DOCK11: variants seen among roughly 807,000 people sequenced by gnomAD.
The protein encoded by DOCK11 is dedicator of cytokinesis protein 11.
DOCK11 carries 70 observed loss-of-function variants against 169.1 expected under a neutral mutation model. That is an observed-to-expected ratio of 0.41 (90% confidence interval 0.34 to 0.51). The LOEUF is 0.51. Among genes scored for constraint, DOCK11 ranks in the 20% least tolerant of loss-of-function variants. The pLI is 0.10. For synonymous variants in DOCK11, 529 were observed against 541.3 expected (o/e 0.98, Z 0.32); for missense variants, 1,166 against 1,538.8 (o/e 0.76, Z 4.05).
At chrX:118,608,457 A>G in intron 26 of DOCK11, 101 bp downstream of exon 26, 1 of 1,007,421 alleles carries the variant, frequency 9.9e-7, no homozygotes, top group Non-Finnish European at 1.3e-6. Flanking sequence ...TTCACATGTG[A>G]CCCGTCCTTT....
chrX:118,554,163 T>C (rs2012599034), intron 6 of DOCK11, among the ~76,000 whole-genome samples: 1 of 111,546 alleles, frequency 9.0e-6, no homozygotes, highest in African/African-American at 3.3e-5. Flanking sequence ...CCACCACGCC[T>C]GGCTACCAAA....
intron 45 of DOCK11, among the ~76,000 whole-genome samples, chrX:118,663,368 A>G (rs1368107147): frequency 8.9e-6 from 1 of 112,206 alleles, no homozygotes; most frequent in Non-Finnish European, 1.9e-5. Context: ...AATGCAGACA[A>G]TATGTGCCAT....
intron 23 of DOCK11, among the ~76,000 whole-genome samples, chrX:118,602,534 G>C (rs1377240973): frequency 5.6e-5 from 6 of 107,890 alleles, no homozygotes; most frequent in Non-Finnish European, 9.7e-5. Context: ...CTGTAGACTA[G>C]AGGGCTCCTG....
At chrX:118,545,603 G>A (rs967144725) in intron 5 of DOCK11, among the ~76,000 whole-genome samples, 1 of 111,218 alleles carries the variant, frequency 9.0e-6, no homozygotes, top group African/African-American at 3.3e-5. Flanking sequence ...TCAAGTGAGA[G>A]GGGCTATGAT....
Position 118,543,613 on chromosome X carries a change from G to A in DOCK11, c.392+20G>A, listed in dbSNP as rs746276036. On this transcript the variant is annotated intron_variant, in intron 4 of 52. Coordinates refer to ENST00000276202, the MANE Select transcript of DOCK11 (RefSeq NM_144658.4). ...GCCATGGTAAGTTTAGCATTCCAGG[G>A]AAACATGCAACAGGAGAATTATTAA... The A allele has an allele frequency of 8.6e-5, 100 of 1,157,449 alleles. 1 individual carries two copies. The Middle Eastern group carries it at 9.5e-4, about 11-fold the overall frequency.
intron 1 of DOCK11, among the ~76,000 whole-genome samples, chrX:118,498,462 T>C (rs757988619): frequency 1.8e-5 from 2 of 112,626 alleles, no homozygotes; most frequent in Admixed American, 1.9e-4. Context: ...ACATGGAATG[T>C]ATGCTCCTAA....
At chrX:118,575,336 ATAT>A (rs2013411280) in intron 12 of DOCK11, among the ~76,000 whole-genome samples, 1 of 112,039 alleles carries the variant, frequency 8.9e-6, no homozygotes, top group Non-Finnish European at 1.9e-5. Context: ...TAGATCAGTC[ATAT>A]TTATATGAAA....
At chrX:118,572,204 A>G in intron 10 of DOCK11, 119 bp from the exon 11 acceptor site, 1 of 604,114 alleles carries the variant, frequency 1.7e-6, no homozygotes, top group Non-Finnish European at 2.5e-6. Context: ...AAACATAAAA[A>G]GGGTTCAAAT....
At chrX:118,657,594 C>T (rs1483906446) in intron 44 of DOCK11, among the ~76,000 whole-genome samples, 2 of 111,606 alleles carry the variant, frequency 1.8e-5, no homozygotes, top group Non-Finnish European at 3.8e-5. Flanking sequence ...AGGGTTTTCC[C>T]CACTTAGCTT....
At chrX:118,590,892 C>G (rs1330276971) in intron 19 of DOCK11, among the ~76,000 whole-genome samples, 1 of 111,953 alleles carries the variant, frequency 8.9e-6, no homozygotes, top group Non-Finnish European at 1.9e-5. Flanking sequence ...GCCTTTGAAA[C>G]CCTGTCTCTG....
intron 23 of DOCK11, among the ~76,000 whole-genome samples, chrX:118,603,222 C>CTA (rs1280699796): frequency 8.9e-6 from 1 of 112,787 alleles, no homozygotes; most frequent in Non-Finnish European, 1.9e-5. Context: ...GACCGTGTAG[C>CTA]TATAGTACAG....
intron 6 of DOCK11, among the ~76,000 whole-genome samples, chrX:118,555,023 T>C: frequency 8.9e-6 from 1 of 111,753 alleles, no homozygotes; most frequent in South Asian, 3.7e-4. Context: ...GTATCTGGCA[T>C]GTGTGCCTTA....
intron 10 of DOCK11, among the ~76,000 whole-genome samples, chrX:118,571,207 G>A (rs946374337): frequency 9.9e-5 from 11 of 110,606 alleles, no homozygotes; most frequent in African/African-American, 3.3e-4. Context: ...ACCTACTACC[G>A]TCACCACAAA....
At chrX:118,590,152 T>C (rs2013939354) in intron 18 of DOCK11, 58 bp from the exon 19 acceptor site, 1 of 1,026,196 alleles carries the variant, frequency 9.7e-7, no homozygotes, top group Non-Finnish European at 1.4e-6. Context: ...TGTGGTTCCA[T>C]GGCATCACAT....
At chrX:118,680,002 C>T (rs775069908) in intron 48 of DOCK11, among the ~76,000 whole-genome samples, 1,164 of 97,548 alleles carry the variant, frequency 0.012, 15 homozygotes, top group Non-Finnish European at 0.017. Context: ...TCTCGGCTCA[C>T]TGCAACCTCC....
chrX:118,518,586 T>A (rs758680205), intron 1 of DOCK11, among the ~76,000 whole-genome samples: 44 of 111,811 alleles, frequency 3.9e-4, no homozygotes, highest in African/African-American at 1.4e-3. Context: ...ATTTGGATAT[T>A]TCCTCTTTGT....
In DOCK11 at chrX:118,671,100, T is replaced by C. The variant is rs777192443; in HGVS notation, c.5154T>C (p.Ile1718=). 2.7e-5 allele frequency: 33 copies of C among 1,206,764 alleles called. No homozygotes were observed. The highest frequency in any genetic ancestry group is 3.5e-5 in the Non-Finnish European group (31 of 892,126). The change falls in exon 46 of 53, where the codon ATT becomes ATC. Residue 1718 remains isoleucine, a synonymous_variant. Transcript: ENST00000276202. The part of the protein sequence containing the change: ...KAERYEIISE[I]SKLIVPIYEK... ...AACGTTATGAAATAATTTCTGAGAT[T>C]TCCAAGTTGATCGTTCCAATTTATG...
chrX:118,654,475 G>T (rs971403608), intron 42 of DOCK11, 127 bp from the exon 43 acceptor site: 1 of 542,157 alleles, frequency 1.8e-6, no homozygotes, highest in Non-Finnish European at 3.0e-6. Flanking sequence ...TTATTTCAGT[G>T]TACTATATGC....
At position 118,528,120 on chromosome X, in the gene DOCK11, C is replaced by T. The variant is rs759442468; in HGVS notation, c.103-14605C>T. Among the ~76,000 whole-genome samples the T allele has an allele frequency of 4.5e-5, 5 of 112,356 alleles. No individual in the cohort carries two copies. The East Asian group carries it at 1.4e-3, about 31-fold the overall frequency. On this transcript the variant is annotated intron_variant, in intron 1 of 52. Transcript: ENST00000276202. Reference sequence around the variant, plus strand: ...CGTAAGAGAGAGGAATTTTTCCATTCACGAAGCCTCAAGTGTACTGTTCTT... The same window carrying T: ...CGTAAGAGAGAGGAATTTTTCCATTTACGAAGCCTCAAGTGTACTGTTCTT...
Sources: gnomAD v4.1 joint callset for allele counts (sites outside exome capture counted in the v4.1 genomes callset) on GRCh38, gnomAD v4.1.1 for gene constraint, MANE v1.5 for transcripts, NCBI Gene and HGNC (gene_info 2026-07-23, HGNC 2026-07-21) for gene names.